The following LARP4B variants were observed in gnomAD, a reference collection of about 807,000 sequenced individuals.
LARP4B encodes La ribonucleoprotein 4B, also known as la-related protein 4B.
In LARP4B, 12 loss-of-function variants were observed where a neutral mutation model predicts 89.8. The observed-to-expected ratio is 0.13, with a 90% CI of 0.09 to 0.22. The LOEUF (loss-of-function observed/expected upper bound fraction) is 0.22, where lower values mean the gene tolerates loss of function less well. Ranked by LOEUF, LARP4B falls within the 10% of genes least tolerant of loss-of-function variation. The pLI is 1.00. For synonymous variants in LARP4B, 367 were observed against 363.3 expected, an observed-to-expected ratio of 1.01 and a Z score of -0.12; for missense variants, 757 against 947.7, an observed-to-expected ratio of 0.80 and a Z score of 2.64.
At chr10:853,879 G>A (rs1834174950) in intron 5 of LARP4B, among the ~76,000 whole-genome samples, 1 of 152,166 alleles carries the variant, frequency 6.6e-6, no homozygotes, top group Non-Finnish European at 1.5e-5. Context: ...ACGGACTCTT[G>A]CTTTCACCAA....
At chr10:954,684 C>T in the LARP4B span, among the ~76,000 whole-genome samples, 1 of 152,104 alleles carries the variant, frequency 6.6e-6, no homozygotes, top group Non-Finnish European at 1.5e-5. The surrounding 1 kb of genome is among the most constrained non-coding windows in gnomAD (Gnocchi z 5.0). Flanking sequence ...CTTCAGGGTA[C>T]CGGCCGGGCG....
chr10:848,112 G>T (rs1349726848), intron 5 of LARP4B, among the ~76,000 whole-genome samples: 1 of 152,168 alleles, frequency 6.6e-6, no homozygotes, highest in African/African-American at 2.4e-5. Flanking sequence ...CACCTGAGGG[G>T]ATCAGAAGTA....
intron 1 of LARP4B, among the ~76,000 whole-genome samples, chr10:899,686 G>A (rs1476080168): frequency 6.6e-6 from 1 of 152,198 alleles, no homozygotes; most frequent in Admixed American, 6.5e-5. Flanking sequence ...AATGAGTTAA[G>A]GGATGACGCA....
At chr10:886,595 T>A (rs79783304) in intron 1 of LARP4B, among the ~76,000 whole-genome samples, 1,797 of 152,274 alleles carry the variant, frequency 0.012, 33 homozygotes, top group African/African-American at 0.041. Flanking sequence ...GATGTGTGTA[T>A]CTGTCTGTCT....
At chr10:843,852 C>T (rs1178831937) in intron 6 of LARP4B, among the ~76,000 whole-genome samples, 2 of 152,202 alleles carry the variant, frequency 1.3e-5, no homozygotes, top group African/African-American at 4.8e-5. Flanking sequence ...GCCCTGGCTT[C>T]CTAGCAGCCA....
chr10:817,980 A>G (rs1406308526), intron 14 of LARP4B, 91 bp from the exon 15 acceptor site: 14 of 1,286,492 alleles, frequency 1.1e-5, no homozygotes, highest in Non-Finnish European at 1.5e-5. Flanking sequence ...ATATCTGTAG[A>G]AACAAGCAGA....
intron 15 of LARP4B, 71 bp from the exon 16 acceptor site, chr10:815,141 A>C: frequency 6.7e-7 from 1 of 1,489,486 alleles, no homozygotes; most frequent in South Asian, 1.4e-5. Flanking sequence ...GTGCCCGTTC[A>C]CCCCACCCGT....
chr10:877,478 G>A (rs1019412756), intron 3 of LARP4B, among the ~76,000 whole-genome samples: 12 of 152,124 alleles, frequency 7.9e-5, no homozygotes, highest in South Asian at 2.1e-4. Flanking sequence ...ATGAAATAAC[G>A]GTGCCAAATA....
intron 5 of LARP4B, among the ~76,000 whole-genome samples, chr10:861,023 G>A (rs141301556): frequency 1.3e-5 from 2 of 152,164 alleles, no homozygotes; most frequent in Non-Finnish European, 2.9e-5. Context: ...GGGTGTGGTG[G>A]TGGGCACCTG....
chr10:905,689 TG>T (rs1836471404), intron 1 of LARP4B, among the ~76,000 whole-genome samples: 1 of 149,908 alleles, frequency 6.7e-6, no homozygotes, highest in Non-Finnish European at 1.5e-5. Flanking sequence ...AGGGAGGAGC[TG>T]AGGAGCAAGG....
At chr10:880,036 A>T (rs1835608250) in intron 3 of LARP4B, among the ~76,000 whole-genome samples, 1 of 152,018 alleles carries the variant, frequency 6.6e-6, no homozygotes, top group Admixed American at 6.6e-5. Flanking sequence ...AGCCTCCCAA[A>T]GTGCTGGGAT....
rs143272672 is a variant in LARP4B at position 883,563 on chromosome 10, T to C, written c.141+884A>G. Among the ~76,000 whole-genome samples, 845 of 151,894 alleles carry C rather than the reference T, an allele frequency of 5.6e-3. 6 individuals carry two copies. The highest frequency in any genetic ancestry group is 0.019 in the African/African-American group (793 of 41,516). On this transcript the variant is annotated intron_variant, in intron 3 of 17. Transcript: ENST00000316157. ...AAAAATCAATGTAAAACAGAATACATAAAAATTTTACATAAATAATATATT... is the reference window on the plus strand; with the variant it reads ...AAAAATCAATGTAAAACAGAATACACAAAAATTTTACATAAATAATATATT...
chr10:838,820 T>C (rs1481810555), intron 7 of LARP4B, among the ~76,000 whole-genome samples: 3 of 152,246 alleles, frequency 2.0e-5, no homozygotes, highest in East Asian at 1.9e-4. Flanking sequence ...CAGATGTTTA[T>C]AGCAACTTTA....
At chr10:836,310 C>T (rs1015752942) in intron 8 of LARP4B, 93 bp downstream of exon 8, 2 of 849,778 alleles carry the variant, frequency 2.4e-6, no homozygotes, top group Admixed American at 2.2e-5. Context: ...AAAAAACACA[C>T]AGCCCAAAAA....
the LARP4B span, among the ~76,000 whole-genome samples, chr10:966,056 T>TTGTGTGTGTGTGTGTG: frequency 5.5e-5 from 7 of 128,198 alleles, no homozygotes; most frequent in African/African-American, 1.9e-4. Flanking sequence ...TGTGTGGGTT[T>TTGTGTGTGTGTGTGTG]TGTGTGTGTG....
upstream of LARP4B, among the ~76,000 whole-genome samples, chr10:931,953 C>A (rs942577252): frequency 1.3e-5 from 2 of 148,536 alleles, no homozygotes; most frequent in Non-Finnish European, 3.0e-5. Context: ...CGCCCCGCCC[C>A]GCGCACGCCG....
In LARP4B at chr10:810,029, T is replaced by A. The variant is rs932092677; in HGVS notation, c.*2897A>T. On this transcript the variant is annotated 3_prime_UTR_variant, in exon 18 of 18. Transcript: ENST00000316157. The stretch of plus-strand genomic sequence containing the variant: ...GACGACTCCACTTGAAATTCATGTC[T>A]GGTGAAACGGGACCAGGTTTTTATT... The A allele has an allele frequency of 6.6e-6, 1 of 152,250 alleles. No individual in the cohort carries two copies. Among genetic ancestry groups the A allele is most frequent in the African/African-American group, 2.4e-5 (1 of 41,466 alleles). 9.4% of individuals were successfully genotyped at this position (152,250 alleles called of 1,614,324 possible). A position where few individuals can be genotyped will look rare whatever the true frequency, so the allele number is the denominator to read the frequency against.
intron 1 of LARP4B, among the ~76,000 whole-genome samples, chr10:889,394 A>G (rs1057431207): frequency 6.6e-6 from 1 of 151,892 alleles, no homozygotes; most frequent in Non-Finnish European, 1.5e-5. Flanking sequence ...ACACTCACTC[A>G]CTCAGACTGG....
chr10:884,300 G>A, intron 3 of LARP4B, 147 bp downstream of exon 3: 1 of 687,162 alleles, frequency 1.5e-6, no homozygotes, highest in Non-Finnish European at 2.6e-6. Flanking sequence ...CCCAGGGGTT[G>A]TGGTGATGAA....
Sources: allele counts gnomAD v4.1 joint callset (sites outside exome capture counted in the v4.1 genomes callset), GRCh38; gene constraint gnomAD v4.1.1; non-coding constraint Gnocchi (gnomAD v3.1); transcripts MANE v1.5; gene names NCBI Gene and HGNC (gene_info 2026-07-23, HGNC 2026-07-21).